NCAM2: variants seen among roughly 807,000 people sequenced by gnomAD.
The protein encoded by NCAM2 is N-CAM-2.
In NCAM2, 30 loss-of-function variants were observed where a neutral mutation model predicts 98.1. The observed-to-expected ratio is 0.31, with a 90% CI of 0.23 to 0.41. The LOEUF (loss-of-function observed/expected upper bound fraction) is 0.41. NCAM2 is among the 10% of genes least tolerant of loss of function. NCAM2 has a pLI of 1.00. For missense variants in NCAM2, 867 were observed against 1,005.8 expected, an observed-to-expected ratio of 0.86 and a Z score of 1.87; for synonymous variants, 368 against 342.4, an observed-to-expected ratio of 1.07 and a Z score of -0.83.
At chr21:21,020,090 G>A (rs1237802209) in intron 1 of NCAM2, among the ~76,000 whole-genome samples, 1 of 151,976 alleles carries the variant, frequency 6.6e-6, no homozygotes, top group Non-Finnish European at 1.5e-5. Flanking sequence ...GGGCTGGAGT[G>A]CAGTGGCGTG....
intron 15 of NCAM2, among the ~76,000 whole-genome samples, chr21:21,478,328 A>G (rs778395499): frequency 2.0e-5 from 3 of 152,068 alleles, no homozygotes; most frequent in Non-Finnish European, 2.9e-5. Context: ...ACATATATAC[A>G]GAAAAGAACA....
At chr21:21,177,743 C>T (rs1042573216) in intron 1 of NCAM2, among the ~76,000 whole-genome samples, 1 of 151,322 alleles carries the variant, frequency 6.6e-6, no homozygotes, top group African/African-American at 2.4e-5. Context: ...CCCTCTCTCC[C>T]TCCTTTCCCT....
At chr21:21,384,354 T>C (rs777251947) in intron 9 of NCAM2, among the ~76,000 whole-genome samples, 3 of 151,908 alleles carry the variant, frequency 2.0e-5, no homozygotes, top group Non-Finnish European at 2.9e-5. Context: ...ATTTTTAGAC[T>C]GGTTATTAAT....
chr21:21,082,281 C>CAAAAAAAAAAAAAAAA (rs11384165), intron 1 of NCAM2, among the ~76,000 whole-genome samples: 6 of 127,858 alleles, frequency 4.7e-5, no homozygotes, highest in East Asian at 2.3e-4. Context: ...GAGCTCAAAA[C>CAAAAAAAAAAAAAAAA]AAAAAAAAAA....
chr21:21,479,583 C>CA (rs1156588500), intron 15 of NCAM2, among the ~76,000 whole-genome samples: 3,243 of 29,800 alleles, frequency 0.11, 354 homozygotes, highest in African/African-American at 0.22. Context: ...GACTGCGTCT[C>CA]AAAAAAAAAA....
intron 15 of NCAM2, 33 bp from the exon 16 acceptor site, chr21:21,508,807 CCTTTTTTTTTT>C (rs1209538470): frequency 2.8e-6 from 2 of 705,746 alleles, no homozygotes; most frequent in East Asian, 3.3e-5. Flanking sequence ...TACTTTTTTT[CCTTTTTTTTTT>C]TTTTTTTTTT....
intron 15 of NCAM2, among the ~76,000 whole-genome samples, chr21:21,503,116 C>T (rs949120784): frequency 6.6e-6 from 1 of 151,458 alleles, no homozygotes; most frequent in African/African-American, 2.4e-5. Flanking sequence ...TACAATAGTC[C>T]CTGCTTTAGC....
intron 1 of NCAM2, among the ~76,000 whole-genome samples, chr21:21,085,444 C>T (rs968394599): frequency 6.6e-6 from 1 of 152,028 alleles, no homozygotes; most frequent in African/African-American, 2.4e-5. Context: ...ACACTGGCCT[C>T]TTATATTTCA....
intron 12 of NCAM2, among the ~76,000 whole-genome samples, chr21:21,449,323 G>A (rs2826844): frequency 0.14 from 20,700 of 151,526 alleles, 1,431 homozygotes; most frequent in Non-Finnish European, 0.14. Flanking sequence ...TTTTATAGGA[G>A]TTTAATCCAC....
intron 16 of NCAM2, among the ~76,000 whole-genome samples, chr21:21,512,428 G>A (rs578042432): frequency 8.9e-4 from 135 of 151,866 alleles, no homozygotes; most frequent in Admixed American, 1.8e-3. Context: ...GGTTCTCTAC[G>A]CCATTTCACT....
intron 11 of NCAM2, among the ~76,000 whole-genome samples, chr21:21,427,721 G>A (rs1025474333): frequency 8.5e-5 from 13 of 152,144 alleles, no homozygotes; most frequent in African/African-American, 3.1e-4. Flanking sequence ...CTAGGTCATG[G>A]CACCAACTCC....
At chr21:21,084,442 G>C (rs1217436264) in intron 1 of NCAM2, among the ~76,000 whole-genome samples, 3 of 152,012 alleles carry the variant, frequency 2.0e-5, no homozygotes, top group African/African-American at 7.2e-5. Flanking sequence ...ACACTCATTT[G>C]TCTCCTTCCT....
intron 12 of NCAM2, among the ~76,000 whole-genome samples, chr21:21,435,696 C>A (rs116050581): frequency 6.6e-6 from 1 of 152,058 alleles, no homozygotes; most frequent in African/African-American, 2.4e-5. Flanking sequence ...GAAACATGCC[C>A]GCTACATGTT....
intron 12 of NCAM2, among the ~76,000 whole-genome samples, chr21:21,444,750 G>A (rs183536640): frequency 6.6e-6 from 1 of 151,968 alleles, no homozygotes; most frequent in East Asian, 1.9e-4. Context: ...CTAGTTAGTG[G>A]TCTATCTATT....
chr21:21,368,488 A>G (rs1272048732), intron 8 of NCAM2, among the ~76,000 whole-genome samples: 2 of 151,880 alleles, frequency 1.3e-5, no homozygotes, highest in African/African-American at 4.8e-5. Flanking sequence ...AATACTGTAA[A>G]GTGGCTTATA....
At chr21:21,276,622 T>C (rs1480561625) in intron 1 of NCAM2, among the ~76,000 whole-genome samples, 3 of 152,088 alleles carry the variant, frequency 2.0e-5, no homozygotes, top group Admixed American at 2.0e-4. Context: ...TTACCTTATA[T>C]TGATTTGGGT....
intron 1 of NCAM2, among the ~76,000 whole-genome samples, chr21:21,042,809 A>G (rs1161054871): frequency 6.6e-6 from 1 of 152,214 alleles, no homozygotes; most frequent in African/African-American, 2.4e-5. Flanking sequence ...TATTTTCTGC[A>G]AGAACTGTCC....
At chr21:21,413,422 A>G (rs762710930) in intron 10 of NCAM2, among the ~76,000 whole-genome samples, 1 of 152,222 alleles carries the variant, frequency 6.6e-6, no homozygotes, top group Non-Finnish European at 1.5e-5. Flanking sequence ...TAGATATTCA[A>G]AACTATATTT....
intron 5 of NCAM2, among the ~76,000 whole-genome samples, chr21:21,312,399 A>C (rs1431583524): frequency 6.6e-6 from 1 of 151,280 alleles, no homozygotes; most frequent in Non-Finnish European, 1.5e-5. Flanking sequence ...TATCCACCTA[A>C]CAGTTTAAAG....
Sources: gnomAD v4.1 joint callset for allele counts (sites outside exome capture counted in the v4.1 genomes callset) on GRCh38, gnomAD v4.1.1 for gene constraint, MANE v1.5 for transcripts, NCBI Gene and HGNC (gene_info 2026-07-23, HGNC 2026-07-21) for gene names.